The following ELAPOR2 variants were observed in gnomAD, a reference collection of about 807,000 sequenced individuals.
ELAPOR2 encodes the protein endosome-lysosome associated apoptosis and autophagy regulator family member 2.
In ELAPOR2, 89 loss-of-function variants were observed where a neutral mutation model predicts 120.7. The observed-to-expected ratio is 0.74, with a 90% confidence interval of 0.62 to 0.88. The LOEUF (loss-of-function observed/expected upper bound fraction) is 0.88. Ranked by LOEUF, ELAPOR2 falls within the 40% of genes least tolerant of loss-of-function variation. The pLI is 0.00. For missense variants in ELAPOR2, 1,134 were observed against 1,251.6 expected (o/e 0.91, Z 1.42); for synonymous variants, 444 against 444.9 (o/e 1.00, Z 0.03).
chr7:86,943,488 A>C (rs551429810), intron 4 of ELAPOR2, among the ~76,000 whole-genome samples: 4 of 152,118 alleles, frequency 2.6e-5, no homozygotes, highest in Non-Finnish European at 5.9e-5. Context: ...TGAGTCAATA[A>C]ATTGCAACCT....
chr7:87,024,415 C>A (rs1484152984), intron 1 of ELAPOR2, among the ~76,000 whole-genome samples: 2 of 152,010 alleles, frequency 1.3e-5, no homozygotes, highest in Non-Finnish European at 2.9e-5. Flanking sequence ...GGATGAAGCC[C>A]ACTTGATCAT....
At chr7:86,948,702 T>C (rs1791107372) in intron 2 of ELAPOR2, among the ~76,000 whole-genome samples, 1 of 152,010 alleles carries the variant, frequency 6.6e-6, no homozygotes, top group Admixed American at 6.6e-5. Flanking sequence ...AGATACTAGA[T>C]ACGACAATGT....
rs768504401 is a variant in ELAPOR2, at chr7:86,938,956, C to T, written c.852G>A (p.Val284=). 2.0e-5 allele frequency: 33 copies of T among 1,612,812 alleles called. No individual in the cohort carries two copies. In the South Asian group the frequency reaches 3.2e-4, roughly 16 times the overall value. Residue 284 remains valine (V), a synonymous_variant, in exon 7 of 22, where the codon GTG becomes GTA. Coordinates refer to ENST00000450689, the MANE Select transcript of ELAPOR2 (RefSeq NM_001142749.3). ...VLVKNITIEG[V]AYTSECFPCK... The stretch of plus-strand genomic sequence containing the variant: ...AAGGAAAACATTCTGATGTGTACGC[C>T]ACCCCTGTGCAGTAATGAAAAACAG...
intron 1 of ELAPOR2, among the ~76,000 whole-genome samples, chr7:87,051,583 T>C (rs1795103457): frequency 1.3e-5 from 2 of 152,214 alleles, no homozygotes; most frequent in Admixed American, 1.3e-4. Flanking sequence ...TTTTACTCTG[T>C]CCATTTTCAG....
chr7:87,043,657 A>G (rs1794855597), intron 1 of ELAPOR2, among the ~76,000 whole-genome samples: 1 of 149,152 alleles, frequency 6.7e-6, no homozygotes, highest in African/African-American at 2.5e-5. Context: ...CCAATATCAT[A>G]CTGAATGGGC....
intron 1 of ELAPOR2, among the ~76,000 whole-genome samples, chr7:86,986,984 G>A (rs1421673778): frequency 3.3e-5 from 5 of 150,318 alleles, no homozygotes; most frequent in African/African-American, 9.9e-5. Flanking sequence ...CATGATACTG[G>A]TACCAAAACA....
intron 1 of ELAPOR2, among the ~76,000 whole-genome samples, chr7:87,045,609 G>T (rs1794928240): frequency 6.6e-6 from 1 of 150,984 alleles, no homozygotes. Flanking sequence ...GGGCTGTTGT[G>T]GGGTGGGGGG....
At chr7:86,894,991 A>G (rs1223377175) in intron 19 of ELAPOR2, among the ~76,000 whole-genome samples, 1 of 152,068 alleles carries the variant, frequency 6.6e-6, no homozygotes, top group Non-Finnish European at 1.5e-5. Context: ...GGACTTGTAT[A>G]AATTTAACAT....
intron 1 of ELAPOR2, among the ~76,000 whole-genome samples, chr7:86,982,893 CT>C (rs1318083521): frequency 7.7e-6 from 1 of 130,366 alleles, no homozygotes; most frequent in Non-Finnish European, 1.6e-5. Context: ...CTTCTCCGAG[CT>C]AAAGGAGGAT....
chr7:87,019,706 A>G (rs1159208922), intron 1 of ELAPOR2, among the ~76,000 whole-genome samples: 2 of 152,246 alleles, frequency 1.3e-5, no homozygotes, highest in African/African-American at 4.8e-5. Flanking sequence ...GTAAATCAGT[A>G]TAACATTTCC....
intron 1 of ELAPOR2, among the ~76,000 whole-genome samples, chr7:87,020,030 CTTA>C (rs896324522): frequency 2.0e-5 from 3 of 151,906 alleles, no homozygotes; most frequent in Non-Finnish European, 4.4e-5. Context: ...CCAATATTTT[CTTA>C]TAACACATCA....
intron 10 of ELAPOR2, among the ~76,000 whole-genome samples, chr7:86,924,112 C>G (rs1214587434): frequency 6.6e-6 from 1 of 151,964 alleles, no homozygotes; most frequent in Non-Finnish European, 1.5e-5. Flanking sequence ...CTGGACCAGC[C>G]AGTCACAAAA....
At chr7:86,930,674 G>A (rs1293100906) in intron 8 of ELAPOR2, among the ~76,000 whole-genome samples, 1 of 151,798 alleles carries the variant, frequency 6.6e-6, no homozygotes, top group Non-Finnish European at 1.5e-5. Context: ...TGCCTCCTTC[G>A]AAGAAGGCTC....
intron 1 of ELAPOR2, 72 bp from the exon 2 acceptor site, chr7:86,965,096 C>T: frequency 6.7e-7 from 1 of 1,495,688 alleles, no homozygotes; most frequent in East Asian, 2.5e-5. Context: ...TCTCTATCAC[C>T]CCAAGCCCCT....
At chr7:87,049,374 C>T (rs1020578766) in intron 1 of ELAPOR2, among the ~76,000 whole-genome samples, 5 of 152,062 alleles carry the variant, frequency 3.3e-5, no homozygotes, top group Non-Finnish European at 7.4e-5. Context: ...CTCCGCCTCC[C>T]GGGTTCACGC....
chr7:86,904,771 G>A (rs1788892229), intron 18 of ELAPOR2, among the ~76,000 whole-genome samples: 1 of 152,050 alleles, frequency 6.6e-6, no homozygotes. Context: ...CCCAGGTCTG[G>A]GGATCTTATG....
chr7:86,915,819 C>T lies in ELAPOR2; in HGVS notation c.1594-959G>A, dbSNP rs114551248. Among the ~76,000 whole-genome samples, 925 of 151,422 alleles carry T rather than the reference C, an allele frequency of 6.1e-3. 14 individuals carry two copies. The highest frequency in any genetic ancestry group is 0.021 in the African/African-American group (880 of 41,256). On this transcript the variant is annotated intron_variant, in intron 12 of 21. Transcript: ENST00000450689. ...TAAAGAGACACATCCTGAGTTCACA[C>T]CACAGATAGGAATAACAGAAAATGC...
intron 10 of ELAPOR2, chr7:86,919,906 G>C (rs1438655414): frequency 6.6e-6 from 1 of 152,114 alleles, no homozygotes; most frequent in Non-Finnish European, 1.5e-5. Context: ...GCTGTGCACA[G>C]AGAACCATTA....
chr7:87,023,793 T>C (rs1345156682), intron 1 of ELAPOR2, among the ~76,000 whole-genome samples: 1 of 152,158 alleles, frequency 6.6e-6, no homozygotes, highest in Non-Finnish European at 1.5e-5. Context: ...CCCTTGTAAG[T>C]TGGATTCCTA....
Sources: allele counts gnomAD v4.1 joint callset (sites outside exome capture counted in the v4.1 genomes callset), GRCh38; gene constraint gnomAD v4.1.1; transcripts MANE v1.5; gene names NCBI Gene and HGNC (gene_info 2026-07-23, HGNC 2026-07-21).